Variants in EFR3A observed in about 807,000 individuals in gnomAD.
EFR3A encodes protein EFR3 homolog A.
A neutral mutation model predicts 104.4 loss-of-function variants in EFR3A; 76 were observed. That is an observed-to-expected ratio of 0.73 (90% CI 0.60 to 0.88). EFR3A has a LOEUF of 0.88. Among genes scored for constraint, EFR3A ranks in the 40% least tolerant of loss-of-function variants. EFR3A has a pLI of 0.00. For missense variants in EFR3A, 985 were observed against 1,012.5 expected (o/e 0.97, Z 0.37); for synonymous variants, 330 against 330.0 (o/e 1.00, Z 0.00).
chr8:131,981,132 T>C (rs975029355), intron 14 of EFR3A, among the ~76,000 whole-genome samples: 1 of 151,924 alleles, frequency 6.6e-6, no homozygotes, highest in Non-Finnish European at 1.5e-5. Context: ...ATTACTGATA[T>C]AATGAATTTT....
intron 10 of EFR3A, among the ~76,000 whole-genome samples, chr8:131,974,087 C>T (rs1035629880): frequency 3.3e-5 from 5 of 152,076 alleles, no homozygotes; most frequent in Admixed American, 6.5e-5. Flanking sequence ...CTTTGTTGAA[C>T]GTTGAAATTA....
intron 1 of EFR3A, among the ~76,000 whole-genome samples, chr8:131,917,683 T>C (rs1244437783): frequency 2.7e-5 from 4 of 148,442 alleles, no homozygotes; most frequent in African/African-American, 9.7e-5. Context: ...ATTAAGTTTA[T>C]CTTTATAGTT....
rs544077679 is a variant in EFR3A, at chr8:132,003,930, A to G, written c.2360+645A>G. ...AAACCTGCCTTTGTGAGAGGTGGCC[A>G]GTAGAGATGTCTATGCTTCTGGAAA... On this transcript the variant is annotated intron_variant, in intron 22 of 22. Coordinates refer to ENST00000254624, the MANE Select transcript of EFR3A (RefSeq NM_015137.6). Among the ~76,000 whole-genome samples, 278 of 152,340 alleles carry G rather than the reference A, an allele frequency of 1.8e-3. 2 individuals are homozygous for G. The highest frequency in any genetic ancestry group is 6.5e-3 in the African/African-American group (270 of 41,574).
At chr8:131,955,676 A>G (rs1351262870) in intron 6 of EFR3A, 92 bp from the exon 7 acceptor site, 1 of 1,396,968 alleles carries the variant, frequency 7.2e-7, no homozygotes, top group Non-Finnish European at 9.7e-7. Context: ...AGAAAATGCC[A>G]TTTTAACATT....
rs540717899 is a variant in EFR3A, at chr8:131,938,223, A to G, written c.11-2276A>G. 38 of 397,924 alleles carry G rather than the reference A, an allele frequency of 9.5e-5. No homozygotes were observed. The East Asian group carries it at 1.2e-3, about 13-fold the overall frequency. The allele number at this position is 397,924 out of a possible 1,614,324, so 24.6% of individuals were successfully genotyped here. ...ATCGACTAGAAAATAGTCTGATACA[A>G]CATGAAGGACTATGTTCAGGTACCT... On this transcript the variant is annotated intron_variant, in intron 1 of 22. Transcript: ENST00000254624.
chr8:131,954,024 G>A (rs1057066840), intron 6 of EFR3A, 57 bp downstream of exon 6: 34 of 1,384,778 alleles, frequency 2.5e-5, no homozygotes, highest in Non-Finnish European at 3.2e-5. Context: ...ATGTATGTGT[G>A]TTTCCTAGGA....
intron 22 of EFR3A, among the ~76,000 whole-genome samples, chr8:132,009,487 T>C (rs1822215914): frequency 1.3e-5 from 2 of 152,062 alleles, no homozygotes; most frequent in Non-Finnish European, 2.9e-5. Context: ...GAAAAACATA[T>C]GACAGATCTT....
intron 21 of EFR3A, 110 bp downstream of exon 21, chr8:132,002,816 G>A: frequency 1.2e-6 from 1 of 816,908 alleles, no homozygotes; most frequent in South Asian, 1.8e-5. Context: ...ACGGAACACA[G>A]GAAAATATAT....
At chr8:131,943,052 A>AAATC (rs761934691) in intron 2 of EFR3A, among the ~76,000 whole-genome samples, 16 of 152,092 alleles carry the variant, frequency 1.1e-4, no homozygotes, top group Non-Finnish European at 1.6e-4. Context: ...CAAAAACCTG[A>AAATC]AATCTGAAAT....
chr8:131,967,586 A>C (rs900683248), intron 8 of EFR3A, among the ~76,000 whole-genome samples: 5 of 152,132 alleles, frequency 3.3e-5, no homozygotes, highest in Admixed American at 6.6e-5. Context: ...AAAAAAAAAA[A>C]ACCTATTCAC....
At chr8:131,989,474 A>T (rs1485253747) in intron 18 of EFR3A, among the ~76,000 whole-genome samples, 3 of 152,192 alleles carry the variant, frequency 2.0e-5, no homozygotes, top group Non-Finnish European at 4.4e-5. Context: ...TTGGTGAGGA[A>T]GATAGCATTA....
Position 131,970,489 on chromosome 8 carries a change from G to A in EFR3A, c.1005G>A (p.Leu335=), listed in dbSNP as rs1472417814. 1.9e-6 allele frequency: 3 copies of A among 1,613,576 alleles called. No individual in the cohort carries two copies. The highest frequency in any genetic ancestry group is 2.5e-6 in the Non-Finnish European group (3 of 1,179,718). ...AAKGSIGPTV[L]EVFNTLLKHL... ...GATCCTTTATAGGTCCGACAGTGCT[G>A]GAAGTCTTCAATACCCTTTTGAAAC... The change falls in exon 10 of 23, where the codon CTG becomes CTA. Residue 335 remains leucine, a synonymous_variant. Transcript: ENST00000254624.
In EFR3A at chr8:131,976,119, A is replaced by G; in HGVS notation, c.1252A>G (p.Thr418Ala). 3 of 1,595,484 alleles carry G rather than the reference A, an allele frequency of 1.9e-6. No homozygotes were observed. The highest frequency in any genetic ancestry group is 2.6e-6 in the Non-Finnish European group (3 of 1,168,268). Residue 418 changes from threonine (T) to alanine (A), a missense_variant, in exon 11 of 23, where the codon ACT (threonine) becomes GCT (alanine). Transcript: ENST00000254624. ...KVPVFGTSTH[T>A]LDISQLGDLG... ...ACCTGTCTTTGGAACATCTACCCATACTTTGGATATCAGTCAACTAGGGTA... is the reference window on the plus strand; with the variant it reads ...ACCTGTCTTTGGAACATCTACCCATGCTTTGGATATCAGTCAACTAGGGTA...
chr8:131,926,080 T>C (rs1369965524), intron 1 of EFR3A, among the ~76,000 whole-genome samples: 1 of 152,156 alleles, frequency 6.6e-6, no homozygotes. Flanking sequence ...AGTTGATTAT[T>C]AGCTTTATTG....
intron 2 of EFR3A, 67 bp downstream of exon 2, chr8:131,940,642 A>C (rs1766855782): frequency 6.5e-7 from 1 of 1,529,078 alleles, no homozygotes; most frequent in Non-Finnish European, 8.8e-7. Flanking sequence ...TGACCTCCTT[A>C]AGGTTTCCCT....
intron 2 of EFR3A, 101 bp downstream of exon 2, chr8:131,940,676 C>T (rs993208246): frequency 6.9e-6 from 10 of 1,450,564 alleles, no homozygotes; most frequent in South Asian, 4.5e-5. Context: ...TACTTTTACC[C>T]TTACATCTCA....
At position 131,904,140 on chromosome 8, in the gene EFR3A, G is replaced by A. The variant is rs752391803; in HGVS notation, c.-173G>A. ...GAGTGGGCTGGCGGCGGTAGCTGTC[G>A]CCCGCTTGGTTGCGTGACCGCGGGG... On this transcript the variant is annotated 5_prime_UTR_variant, in exon 1 of 23. Transcript: ENST00000254624. The A allele has an allele frequency of 5.6e-6, 4 of 708,768 alleles. No homozygotes were observed. The highest frequency in any genetic ancestry group is 4.7e-4 in the Middle Eastern group (1 of 2,140). 43.9% of individuals were successfully genotyped at this position (708,768 alleles called of 1,614,324 possible).
chr8:131,931,999 C>T (rs930269211), intron 1 of EFR3A, among the ~76,000 whole-genome samples: 4 of 151,986 alleles, frequency 2.6e-5, no homozygotes, highest in Admixed American at 6.6e-5. Context: ...TGATAGCACC[C>T]CCCAGCCACT....
In EFR3A at chr8:131,959,555, G is replaced by T. The variant is rs778432789; in HGVS notation, c.777-30G>T. 6 of 1,578,242 alleles carry T rather than the reference G, an allele frequency of 3.8e-6. No homozygotes were observed. In the South Asian group the frequency reaches 6.8e-5, roughly 18 times the overall value. ...GAGGAAGAAAGTATAGTAAAATAGA[G>T]AATTTTAAAGTAATTTTTGTTATTT... is the stretch of plus-strand genomic sequence containing the variant. On this transcript the variant is annotated intron_variant, in intron 7 of 22. Coordinates refer to ENST00000254624, the MANE Select transcript of EFR3A (RefSeq NM_015137.6).
Sources: allele counts gnomAD v4.1 joint callset (sites outside exome capture counted in the v4.1 genomes callset), GRCh38; gene constraint gnomAD v4.1.1; transcripts MANE v1.5; gene names NCBI Gene and HGNC (gene_info 2026-07-23, HGNC 2026-07-21).